Variants in MARCHF5 observed in about 807,000 individuals in gnomAD.
MARCHF5 encodes membrane associated ring-CH-type finger 5.
MARCHF5 carries 5 observed loss-of-function variants against 36.5 expected under a neutral mutation model. The ratio of observed to expected loss-of-function variants is 0.14; its 90% CI spans 0.07 to 0.29. MARCHF5 has a LOEUF of 0.29. MARCHF5 is among the 10% of genes least tolerant of loss of function. The pLI is 1.00. For missense variants in MARCHF5, 179 were observed against 336.3 expected, an observed-to-expected ratio of 0.53 and a Z score of 3.66; for synonymous variants, 103 against 109.9, an observed-to-expected ratio of 0.94 and a Z score of 0.39.
intron 2 of MARCHF5, among the ~76,000 whole-genome samples, chr10:92,312,957 T>G (rs1843163188): frequency 6.6e-6 from 1 of 152,228 alleles, no homozygotes; most frequent in Non-Finnish European, 1.5e-5. Context: ...AAATCTTGGC[T>G]GGGCGTGGCG....
chr10:92,305,297 C>T (rs1843062074), intron 1 of MARCHF5, among the ~76,000 whole-genome samples: 1 of 152,020 alleles, frequency 6.6e-6, no homozygotes, highest in South Asian at 2.1e-4. Flanking sequence ...GTCCCAGCTA[C>T]TCGGGAGGGT....
At chr10:92,309,195 T>A (rs948021494) in intron 1 of MARCHF5, among the ~76,000 whole-genome samples, 2 of 152,200 alleles carry the variant, frequency 1.3e-5, no homozygotes, top group Non-Finnish European at 2.9e-5. Context: ...CACTGAACAG[T>A]TTTTAACTTT....
At chr10:92,299,319 G>C (rs1285332537) in intron 1 of MARCHF5, among the ~76,000 whole-genome samples, 1 of 146,418 alleles carries the variant, frequency 6.8e-6, no homozygotes, top group Non-Finnish European at 1.5e-5. Flanking sequence ...CACGTAAAAG[G>C]ATAAAACGTA....
In MARCHF5 at chr10:92,351,236, C is replaced by G; in HGVS notation, c.*29C>G. Reference sequence around the variant, plus strand: ...TGACTTCTGGTTGTTCTGCAGTTCTCTCATCCTTATGAATCTGTTGTGTTG... The same window carrying G: ...TGACTTCTGGTTGTTCTGCAGTTCTGTCATCCTTATGAATCTGTTGTGTTG... On this transcript the variant is annotated 3_prime_UTR_variant, in exon 6 of 6. Transcript: ENST00000358935. 7.5e-7 allele frequency: 1 copy of G among 1,338,440 alleles called. No individual in the cohort carries two copies. Among genetic ancestry groups the G allele is most frequent in the South Asian group, 1.2e-5 (1 of 83,202 alleles). The allele number at this position is 1,338,440 out of a possible 1,614,324, so 82.9% of individuals were successfully genotyped here. A position where few individuals can be genotyped will look rare whatever the true frequency, so the allele number is the denominator to read the frequency against.
At position 92,344,219 on chromosome 10, in the gene MARCHF5, C is replaced by T. The variant is rs528387038; in HGVS notation, c.369+3416C>T. On this transcript the variant is annotated intron_variant, in intron 3 of 5. Coordinates refer to ENST00000358935, the MANE Select transcript of MARCHF5 (RefSeq NM_017824.5). ...TCAAGGGATATAGTCCAAGACAAGA[C>T]GTTCATAAATGAAACCACTGGAGAA... Among the ~76,000 whole-genome samples the T allele has an allele frequency of 2.6e-5, 4 of 152,142 alleles. No individual in the cohort carries two copies. The South Asian group carries it at 6.2e-4, about 24-fold the overall frequency.
At chr10:92,341,648 A>G (rs1404966293) in intron 3 of MARCHF5, among the ~76,000 whole-genome samples, 1 of 152,068 alleles carries the variant, frequency 6.6e-6, no homozygotes, top group Non-Finnish European at 1.5e-5. Context: ...CCAGTGCTGC[A>G]ATGATCTCTT....
intron 2 of MARCHF5, among the ~76,000 whole-genome samples, chr10:92,337,320 A>G (rs1843514766): frequency 1.3e-5 from 2 of 151,758 alleles, no homozygotes; most frequent in South Asian, 2.1e-4. Flanking sequence ...TTCAAGACCA[A>G]TCTGACAAAC....
intron 2 of MARCHF5, among the ~76,000 whole-genome samples, chr10:92,332,269 CA>C: frequency 6.6e-6 from 1 of 151,888 alleles, no homozygotes. Context: ...CCCTTCTTTA[CA>C]ATCTAATGAT....
At chr10:92,300,000 A>G (rs1842993459) in intron 1 of MARCHF5, among the ~76,000 whole-genome samples, 1 of 151,832 alleles carries the variant, frequency 6.6e-6, no homozygotes, top group Admixed American at 6.6e-5. Flanking sequence ...CCGTCTCTAC[A>G]AAAAATAAAA....
At chr10:92,339,369 C>G (rs1843546920) in intron 2 of MARCHF5, among the ~76,000 whole-genome samples, 1 of 146,868 alleles carries the variant, frequency 6.8e-6, no homozygotes, top group Admixed American at 6.7e-5. Flanking sequence ...GACTCTGTCT[C>G]AAAAATAAAT....
chr10:92,319,999 T>C (rs1182915342), intron 2 of MARCHF5, among the ~76,000 whole-genome samples: 2 of 145,090 alleles, frequency 1.4e-5, no homozygotes, highest in Non-Finnish European at 3.0e-5. Flanking sequence ...TGAGACAGAG[T>C]CTCACTCTGT....
At chr10:92,298,166 A>ATC (rs68171682) in intron 1 of MARCHF5, among the ~76,000 whole-genome samples, 48,735 of 151,818 alleles carry the variant, frequency 0.32, 9,651 homozygotes, top group South Asian at 0.57. Context: ...CCACTGCACG[A>ATC]TCTCTCTCTC....
chr10:92,333,620 A>C (rs1237503985), intron 2 of MARCHF5: 1 of 983,796 alleles, frequency 1.0e-6, no homozygotes, highest in Non-Finnish European at 1.2e-6. Flanking sequence ...ATGCACAAGC[A>C]AAGGGGTAAG....
intron 3 of MARCHF5, among the ~76,000 whole-genome samples, chr10:92,346,070 A>T (rs1330236109): frequency 6.6e-6 from 1 of 152,194 alleles, no homozygotes; most frequent in Non-Finnish European, 1.5e-5. Context: ...TCGAAGTCTT[A>T]AAAATAATGT....
At chr10:92,328,469 T>C (rs1027834789) in intron 2 of MARCHF5, among the ~76,000 whole-genome samples, 1 of 151,494 alleles carries the variant, frequency 6.6e-6, no homozygotes, top group African/African-American at 2.4e-5. Flanking sequence ...GATACTGATA[T>C]AGCTGGATTT....
intron 2 of MARCHF5, among the ~76,000 whole-genome samples, chr10:92,311,778 C>T (rs1258196058): frequency 1.3e-5 from 2 of 152,134 alleles, no homozygotes; most frequent in South Asian, 2.1e-4. Context: ...TAAGATGTGA[C>T]GTTAAACTCA....
chr10:92,345,336 C>A (rs1418419796), intron 3 of MARCHF5, among the ~76,000 whole-genome samples: 1 of 152,040 alleles, frequency 6.6e-6, no homozygotes, highest in Non-Finnish European at 1.5e-5. Context: ...CATGATGAAA[C>A]CCCATCTCTA....
At position 92,352,248 on chromosome 10, in the gene MARCHF5, C is replaced by T. The variant is rs1048180492; in HGVS notation, c.*1041C>T. On this transcript the variant is annotated 3_prime_UTR_variant, in exon 6 of 6. Transcript: ENST00000358935. ...CATAGAAAACCAGCAGTGAATAAAC[C>T]AAGGTGAGGCCTTGAGCTCTTTGTT... 1 of 152,250 alleles carries T rather than the reference C, an allele frequency of 6.6e-6. No homozygotes were observed. Among genetic ancestry groups the T allele is most frequent in the Non-Finnish European group, 1.5e-5 (1 of 67,996 alleles). The allele number at this position is 152,250 out of a possible 1,614,324, so 9.4% of individuals were successfully genotyped here.
chr10:92,341,780 C>CTTTTTTTT (rs71025395), intron 3 of MARCHF5, among the ~76,000 whole-genome samples: 23 of 77,410 alleles, frequency 3.0e-4, no homozygotes, highest in Non-Finnish European at 3.4e-4. Flanking sequence ...AGTTTACATC[C>CTTTTTTTT]TTTTTTTTTT....
Sources: gnomAD v4.1 joint callset for allele counts (sites outside exome capture counted in the v4.1 genomes callset) on GRCh38, gnomAD v4.1.1 for gene constraint, MANE v1.5 for transcripts, NCBI Gene and HGNC (gene_info 2026-07-23, HGNC 2026-07-21) for gene names.